HIVEP1: variants seen among roughly 807,000 people sequenced by gnomAD.
HIVEP1 encodes the protein HIVEP zinc finger 1, also known as zinc finger protein 40.
HIVEP1 carries 36 observed loss-of-function variants against 180.0 expected under a neutral mutation model. That is an observed-to-expected ratio of 0.20 (90% CI 0.15 to 0.26). HIVEP1 has a LOEUF of 0.26. HIVEP1 is among the 10% of genes least tolerant of loss of function. The pLI is 1.00. For missense variants in HIVEP1, 3,143 were observed against 3,268.7 expected (o/e 0.96, Z 0.94); for synonymous variants, 1,239 against 1,239.0 (o/e 1.00, Z 0.00).
intron 2 of HIVEP1, among the ~76,000 whole-genome samples, chr6:12,071,690 T>A (rs1036975330): frequency 1.5e-4 from 23 of 152,246 alleles, no homozygotes; most frequent in African/African-American, 5.5e-4. Flanking sequence ...ATCTATTTTA[T>A]TTCAGTTTTG....
At chr6:12,130,975 A>G in intron 6 of HIVEP1, 33 bp downstream of exon 6, 2 of 1,522,340 alleles carry the variant, frequency 1.3e-6, no homozygotes, top group Non-Finnish European at 1.8e-6. Context: ...AGGTCCTTTT[A>G]ATATGTATTT....
chr6:12,145,515 T>TAAAAAAAA (rs202193525), intron 7 of HIVEP1, among the ~76,000 whole-genome samples: 1 of 103,740 alleles, frequency 9.6e-6, no homozygotes, highest in African/African-American at 3.9e-5. Flanking sequence ...ACTTAAAGTA[T>TAAAAAAAA]AAAAAAAAAA....
At chr6:12,152,533 T>C (rs1759767373) in intron 7 of HIVEP1, among the ~76,000 whole-genome samples, 1 of 152,212 alleles carries the variant, frequency 6.6e-6, no homozygotes, top group Admixed American at 6.5e-5. Flanking sequence ...AAGGATACCA[T>C]TGTCTTCTGT....
At chr6:12,018,066 C>T (rs929543800) in intron 2 of HIVEP1, among the ~76,000 whole-genome samples, 2 of 152,178 alleles carry the variant, frequency 1.3e-5, no homozygotes, top group Non-Finnish European at 2.9e-5. Flanking sequence ...CCCTGCCCCA[C>T]GGGGAAGCAG....
chr6:12,163,721 C>T lies in HIVEP1; in HGVS notation c.7417C>T (p.Arg2473Cys), dbSNP rs766670053. ...GCCATGTATTCCTATCGGCCAAATCCGCGTGCCAGGCCTTCAGAACCTAAG... is the reference window on the plus strand; with the variant it reads ...GCCATGTATTCCTATCGGCCAAATCTGCGTGCCAGGCCTTCAGAACCTAAG... ...VVPCIPIGQI[R>C]VPGLQNLSTP... The change falls in exon 9 of 9, where the codon CGC becomes TGC. Residue 2473 changes from arginine to cysteine, a missense_variant. Around this residue, in one of 12 missense-constraint regions of HIVEP1, gnomAD observed 595 missense variants for 602.2 expected, o/e 0.99. Transcript: ENST00000379388. 24 of 1,614,018 alleles carry T rather than the reference C, an allele frequency of 1.5e-5. No individual in the cohort carries two copies. The highest frequency in any genetic ancestry group is 1.9e-5 in the Non-Finnish European group (22 of 1,180,040).
chr6:12,174,498 G>C, the HIVEP1 span, among the ~76,000 whole-genome samples: 24 of 152,202 alleles, frequency 1.6e-4, 1 homozygote, highest in East Asian at 4.1e-3. Context: ...TGCTCTGAAG[G>C]CCCTTTAAAT....
At chr6:12,011,021 G>A (rs1305183764), upstream of HIVEP1, among the ~76,000 whole-genome samples, 1 of 152,138 alleles carries the variant, frequency 6.6e-6, no homozygotes, top group East Asian at 1.9e-4. Flanking sequence ...CGCAGCTTCG[G>A]CACTGGGAAG....
chr6:12,137,596 G>C (rs1323985449), intron 7 of HIVEP1, among the ~76,000 whole-genome samples: 1 of 123,656 alleles, frequency 8.1e-6, no homozygotes, highest in Non-Finnish European at 1.6e-5. Context: ...CTGTATTTGT[G>C]GGTAGTGTGC....
intron 2 of HIVEP1, among the ~76,000 whole-genome samples, chr6:12,027,189 T>C (rs1768640279): frequency 6.6e-6 from 1 of 152,240 alleles, no homozygotes; most frequent in African/African-American, 2.4e-5. Flanking sequence ...AACACATTTA[T>C]TTGTAAACCC....
upstream of HIVEP1, among the ~76,000 whole-genome samples, chr6:12,010,419 C>G (rs1210168846): frequency 6.6e-6 from 1 of 152,072 alleles, no homozygotes; most frequent in Admixed American, 6.6e-5. Context: ...CTCAAATGAG[C>G]CAGAGGTACG....
chr6:12,057,056 G>T (rs893492703), intron 2 of HIVEP1, among the ~76,000 whole-genome samples: 6 of 151,632 alleles, frequency 4.0e-5, no homozygotes, highest in Non-Finnish European at 8.8e-5. Flanking sequence ...GCCTAGTCTG[G>T]GTATGGAATT....
chr6:12,085,712 G>A, intron 2 of HIVEP1, among the ~76,000 whole-genome samples: 1 of 152,076 alleles, frequency 6.6e-6, no homozygotes, highest in Non-Finnish European at 1.5e-5. Context: ...TGAGAGGCAG[G>A]CCTCTGAGAT....
the HIVEP1 span, among the ~76,000 whole-genome samples, chr6:12,204,964 G>A: frequency 6.6e-6 from 1 of 152,210 alleles, no homozygotes; most frequent in Non-Finnish European, 1.5e-5. Context: ...TGGGGGAAAA[G>A]CATGATAGCC....
downstream of HIVEP1, among the ~76,000 whole-genome samples, chr6:12,166,093 T>C (rs575031403): frequency 1.3e-5 from 2 of 152,330 alleles, no homozygotes; most frequent in Admixed American, 6.5e-5. Flanking sequence ...TCTGGAAATA[T>C]CTGCTCTAGG....
At chr6:12,088,028 A>AAT (rs1773216857) in intron 2 of HIVEP1, among the ~76,000 whole-genome samples, 2 of 151,728 alleles carry the variant, frequency 1.3e-5, no homozygotes, top group South Asian at 4.1e-4. Context: ...AAGTTGGATC[A>AAT]ATATGCAATT....
chr6:12,095,598 A>C (rs1250774948), intron 3 of HIVEP1, among the ~76,000 whole-genome samples: 1 of 151,634 alleles, frequency 6.6e-6, no homozygotes, highest in Non-Finnish European at 1.5e-5. Context: ...TAGGATATCC[A>C]AAATTATTTC....
At chr6:12,078,894 C>T (rs1009912202) in intron 2 of HIVEP1, among the ~76,000 whole-genome samples, 14 of 152,026 alleles carry the variant, frequency 9.2e-5, no homozygotes, top group African/African-American at 3.4e-4. Flanking sequence ...AATCTGCATC[C>T]TTAGCCCCAA....
the HIVEP1 span, among the ~76,000 whole-genome samples, chr6:12,198,459 G>A: frequency 6.6e-6 from 1 of 151,888 alleles, no homozygotes. Context: ...GGGAGCAGAA[G>A]GTATTTATTT....
intron 3 of HIVEP1, among the ~76,000 whole-genome samples, chr6:12,110,167 C>T (rs1033469456): frequency 2.0e-5 from 3 of 152,174 alleles, no homozygotes; most frequent in Non-Finnish European, 1.5e-5. Context: ...TCCATCTGTA[C>T]AGCACAGGCA....
Sources: gnomAD v4.1 joint callset for allele counts (sites outside exome capture counted in the v4.1 genomes callset) on GRCh38, gnomAD v4.1.1 for gene constraint, gnomAD v4.1.1 regional missense constraint, MANE v1.5 for transcripts, NCBI Gene and HGNC (gene_info 2026-07-23, HGNC 2026-07-21) for gene names.